LIMD1: variants seen among roughly 807,000 people sequenced by gnomAD.
LIMD1 encodes LIM domain containing 1.
In LIMD1, 23 loss-of-function variants were observed where a neutral mutation model predicts 58.4. The ratio of observed to expected loss-of-function variants is 0.39; its 90% CI spans 0.28 to 0.56. The LOEUF (loss-of-function observed/expected upper bound fraction) is 0.56. LIMD1 is among the 20% of genes least tolerant of loss of function. The pLI, the probability that LIMD1 is intolerant of heterozygous loss-of-function variation, is 0.57. For synonymous variants in LIMD1, 334 were observed against 345.5 expected, an observed-to-expected ratio of 0.97 and a Z score of 0.37; for missense variants, 838 against 855.5, an observed-to-expected ratio of 0.98 and a Z score of 0.25.
intron 2 of LIMD1, among the ~76,000 whole-genome samples, chr3:45,649,848 G>GTTT (rs367547670): frequency 3.4e-4 from 33 of 97,342 alleles, no homozygotes; most frequent in African/African-American, 6.9e-4. Flanking sequence ...AAGTTTTTTT[G>GTTT]TTTTTTTTTT....
chr3:45,605,722 C>G (rs976176193), intron 1 of LIMD1, among the ~76,000 whole-genome samples: 1 of 152,234 alleles, frequency 6.6e-6, no homozygotes, highest in Non-Finnish European at 1.5e-5. Flanking sequence ...CCCTGCAGGC[C>G]TTTTGAGGCG....
chr3:45,665,472 G>T (rs183016561), intron 2 of LIMD1, among the ~76,000 whole-genome samples, 178 bp from the exon 3 acceptor site: 3 of 152,282 alleles, frequency 2.0e-5, no homozygotes, highest in South Asian at 4.2e-4. Flanking sequence ...CCCGGCCTCA[G>T]CCTGCCTGCC....
At chr3:45,659,266 GTACTATAAATACAC>G in intron 2 of LIMD1, among the ~76,000 whole-genome samples, 1 of 152,136 alleles carries the variant, frequency 6.6e-6, no homozygotes, top group Non-Finnish European at 1.5e-5. Context: ...AAATGGAATT[GTACTATAAATACAC>G]TTGTCAAGTT....
chr3:45,618,587 A>G (rs1235937240), intron 1 of LIMD1, among the ~76,000 whole-genome samples: 1 of 152,098 alleles, frequency 6.6e-6, no homozygotes, highest in South Asian at 2.1e-4. Flanking sequence ...CTGGAAGAAA[A>G]CACCTTTCCT....
intron 1 of LIMD1, among the ~76,000 whole-genome samples, chr3:45,633,559 C>T (rs9311375): frequency 0.74 from 112,743 of 152,144 alleles, 43,059 homozygotes; most frequent in East Asian, 0.97. Context: ...AGCAAAACAT[C>T]AATTATAGAA....
intron 2 of LIMD1, among the ~76,000 whole-genome samples, chr3:45,640,108 GCACAGA>G (rs1391884402): frequency 6.6e-6 from 1 of 152,256 alleles, no homozygotes; most frequent in Non-Finnish European, 1.5e-5. Flanking sequence ...ATTGTGACAA[GCACAGA>G]CACTTAAGGA....
At chr3:45,615,790 C>T (rs1701570133) in intron 1 of LIMD1, among the ~76,000 whole-genome samples, 1 of 151,980 alleles carries the variant, frequency 6.6e-6, no homozygotes, top group African/African-American at 2.4e-5. Context: ...CCTCACTCCC[C>T]ACCCACCCTC....
chr3:45,660,770 G>T (rs923677538), intron 2 of LIMD1, among the ~76,000 whole-genome samples: 2 of 152,184 alleles, frequency 1.3e-5, no homozygotes, highest in Non-Finnish European at 2.9e-5. Flanking sequence ...ACAGAGGGCA[G>T]CAGATCAGCT....
chr3:45,631,883 G>C (rs1469199732), intron 1 of LIMD1, among the ~76,000 whole-genome samples: 1 of 152,210 alleles, frequency 6.6e-6, no homozygotes, highest in Non-Finnish European at 1.5e-5. Context: ...TGGGCCAGCA[G>C]CATTGCACTG....
chr3:45,606,058 C>T (rs1318542132), intron 1 of LIMD1, among the ~76,000 whole-genome samples: 2 of 152,220 alleles, frequency 1.3e-5, no homozygotes. Context: ...GGCTCTGAGA[C>T]AGTTTTACTA....
chr3:45,661,274 T>C (rs1450381003), intron 2 of LIMD1, among the ~76,000 whole-genome samples: 1 of 152,232 alleles, frequency 6.6e-6, no homozygotes, highest in Non-Finnish European at 1.5e-5. Flanking sequence ...TAAAATTTGG[T>C]GTACATCTTA....
intron 1 of LIMD1, chr3:45,635,780 C>G (rs1701780991): frequency 2.9e-6 from 1 of 346,120 alleles, no homozygotes; most frequent in Admixed American, 6.9e-5. Flanking sequence ...AAAGAAATTT[C>G]CCAACCTGCA....
intron 2 of LIMD1, among the ~76,000 whole-genome samples, chr3:45,637,642 T>C (rs1376488153): frequency 1.3e-5 from 2 of 152,208 alleles, no homozygotes. Flanking sequence ...CAGGGCTGAC[T>C]ACCATTGGTT....
intron 2 of LIMD1, among the ~76,000 whole-genome samples, chr3:45,655,563 G>A (rs929255823): frequency 6.6e-6 from 1 of 152,152 alleles, no homozygotes; most frequent in Non-Finnish European, 1.5e-5. Flanking sequence ...TTCTCAAAGT[G>A]TGGTCCCTGG....
intron 2 of LIMD1, among the ~76,000 whole-genome samples, chr3:45,649,595 G>C (rs1446711952): frequency 6.7e-6 from 1 of 150,252 alleles, no homozygotes; most frequent in East Asian, 1.9e-4. Context: ...GCAGCAGAAT[G>C]GCGTGAACGC....
At chr3:45,615,142 G>A (rs903214007) in intron 1 of LIMD1, among the ~76,000 whole-genome samples, 1 of 152,112 alleles carries the variant, frequency 6.6e-6, no homozygotes, top group Non-Finnish European at 1.5e-5. Flanking sequence ...AACAAATGAA[G>A]ACCCAAAGCA....
chr3:45,606,159 AC>A (rs980079293), intron 1 of LIMD1, among the ~76,000 whole-genome samples: 3 of 152,116 alleles, frequency 2.0e-5, no homozygotes, highest in African/African-American at 4.8e-5. Flanking sequence ...CCTCCCAACA[AC>A]CCTACTTTAT....
chr3:45,597,132 T>G (rs1042121755), intron 1 of LIMD1, among the ~76,000 whole-genome samples: 1 of 152,110 alleles, frequency 6.6e-6, no homozygotes, highest in Non-Finnish European at 1.5e-5. Flanking sequence ...AGTGCTGGGA[T>G]TACAGGCGTG....
rs145753199 is a variant in LIMD1 at position 45,674,237 on chromosome 3, C to T, written c.1825-106C>T. 5.2e-4 allele frequency: 381 copies of T among 739,376 alleles called. No individual in the cohort carries two copies. The African/African-American group carries it at 5.7e-3, about 11-fold the overall frequency. The allele number at this position is 739,376 out of a possible 1,614,324, so 45.8% of individuals were successfully genotyped here. On this transcript the variant is annotated intron_variant, in intron 6 of 7. Coordinates refer to ENST00000273317, the MANE Select transcript of LIMD1 (RefSeq NM_014240.3). ...TACCTTCTCCTCCCAAGGCCACCTA[C>T]TTGTTACCCCCAAAACCCTCTTCCC...
Sources: allele counts gnomAD v4.1 joint callset (sites outside exome capture counted in the v4.1 genomes callset), GRCh38; gene constraint gnomAD v4.1.1; transcripts MANE v1.5; gene names NCBI Gene and HGNC (gene_info 2026-07-23, HGNC 2026-07-21).